Variants in TMEM117 observed in about 807,000 individuals in gnomAD.
The protein encoded by TMEM117 is transmembrane protein 117.
In TMEM117, 27 loss-of-function variants were observed where a neutral mutation model predicts 52.4. That is an observed-to-expected ratio of 0.51 (90% CI 0.38 to 0.71). The LOEUF is 0.71. Ranked by LOEUF, TMEM117 falls within the 30% of genes least tolerant of loss-of-function variation. The pLI, the probability that TMEM117 is intolerant of heterozygous loss-of-function variation, is 0.00. For synonymous variants in TMEM117, 215 were observed against 206.3 expected (o/e 1.04, Z -0.36); for missense variants, 556 against 630.5 (o/e 0.88, Z 1.26).
At chr12:44,117,653 A>G (rs2138127712) in intron 3 of TMEM117, among the ~76,000 whole-genome samples, 1 of 152,248 alleles carries the variant, frequency 6.6e-6, no homozygotes, top group African/African-American at 2.4e-5. Flanking sequence ...AGTGAAGGGG[A>G]AAGAAAGAAA....
At chr12:44,132,124 G>T (rs1305294299) in intron 3 of TMEM117, among the ~76,000 whole-genome samples, 2 of 151,802 alleles carry the variant, frequency 1.3e-5, no homozygotes, top group African/African-American at 4.8e-5. Flanking sequence ...TAGGAATTTG[G>T]CCATTTCACT....
At chr12:43,990,483 C>T (rs1945920582) in intron 3 of TMEM117, among the ~76,000 whole-genome samples, 1 of 152,038 alleles carries the variant, frequency 6.6e-6, no homozygotes, top group Admixed American at 6.6e-5. Context: ...ATAAAGTGAT[C>T]TTGTATTTTA....
intron 4 of TMEM117, among the ~76,000 whole-genome samples, chr12:44,152,664 T>C (rs1307635121): frequency 2.3e-5 from 3 of 132,360 alleles, no homozygotes; most frequent in East Asian, 4.4e-4. Flanking sequence ...ATTTATATCA[T>C]ATATAATTTT....
At chr12:44,074,269 A>G (rs546907744) in intron 3 of TMEM117, among the ~76,000 whole-genome samples, 8 of 152,324 alleles carry the variant, frequency 5.3e-5, no homozygotes, top group African/African-American at 1.9e-4. Flanking sequence ...GGGGACTTTT[A>G]TTAATAATTA....
chr12:44,082,464 T>C (rs1351806227), intron 3 of TMEM117, among the ~76,000 whole-genome samples: 2 of 152,020 alleles, frequency 1.3e-5, no homozygotes, highest in African/African-American at 4.8e-5. Flanking sequence ...TATTACTAAA[T>C]ATTTTTATCA....
chr12:44,165,425 AT>A (rs1250732709), intron 4 of TMEM117, among the ~76,000 whole-genome samples: 2 of 152,178 alleles, frequency 1.3e-5, no homozygotes, highest in African/African-American at 2.4e-5. Flanking sequence ...AACGATATAG[AT>A]TGGCTGAATG....
intron 1 of TMEM117, among the ~76,000 whole-genome samples, chr12:43,842,891 G>C (rs1341257692): frequency 2.0e-5 from 3 of 152,162 alleles, no homozygotes; most frequent in African/African-American, 7.2e-5. Context: ...CTCTAGGCAA[G>C]GAAGGTGCAA....
At chr12:44,068,317 CA>C (rs546838870) in intron 3 of TMEM117, among the ~76,000 whole-genome samples, 115 of 152,310 alleles carry the variant, frequency 7.6e-4, no homozygotes, top group South Asian at 1.7e-3. Flanking sequence ...TTTGCATTCA[CA>C]ACTTGGCTAA....
intron 2 of TMEM117, among the ~76,000 whole-genome samples, chr12:43,900,537 G>C (rs1276673578): frequency 6.6e-6 from 1 of 151,896 alleles, no homozygotes; most frequent in African/African-American, 2.4e-5. Context: ...GGCCAATATG[G>C]TGAAACTCTG....
intron 6 of TMEM117, among the ~76,000 whole-genome samples, chr12:44,313,384 A>T (rs538160372): frequency 6.6e-6 from 1 of 152,112 alleles, no homozygotes. Context: ...CTTATTGCTT[A>T]TTTTTGTTGA....
chr12:43,951,039 T>G (rs948113541), intron 3 of TMEM117, among the ~76,000 whole-genome samples: 31 of 152,186 alleles, frequency 2.0e-4, no homozygotes, highest in African/African-American at 7.5e-4. Context: ...ACCCAGGAAG[T>G]GCATGGAGCC....
At chr12:44,102,922 C>G (rs923633544) in intron 3 of TMEM117, among the ~76,000 whole-genome samples, 1 of 151,988 alleles carries the variant, frequency 6.6e-6, no homozygotes, top group Admixed American at 6.6e-5. Flanking sequence ...GATTTTCCCT[C>G]CTTTGCTCTG....
At chr12:44,262,510 G>A (rs1272301816) in intron 5 of TMEM117, among the ~76,000 whole-genome samples, 1 of 152,140 alleles carries the variant, frequency 6.6e-6, no homozygotes, top group African/African-American at 2.4e-5. Context: ...AACTATAAAA[G>A]TATAAAAGAC....
intron 6 of TMEM117, among the ~76,000 whole-genome samples, chr12:44,303,168 C>G (rs1403801021): frequency 6.6e-6 from 1 of 151,992 alleles, no homozygotes. Flanking sequence ...CTCAGCCTCC[C>G]AGGTAGCTGG....
In TMEM117 at chr12:43,844,801, T is replaced by C; in HGVS notation, c.150T>C (p.Cys50=). 6.2e-7 allele frequency: 1 copy of C among 1,614,176 alleles called. No individual in the cohort carries two copies. The highest frequency in any genetic ancestry group is 8.5e-7 in the Non-Finnish European group (1 of 1,180,032). The change falls in exon 2 of 8, where the codon TGT becomes TGC. Residue 50 remains cysteine (C), a synonymous_variant. Transcript: ENST00000266534. The part of the protein sequence containing the change: ...TEANVIVVGN[C]FSFVTNKYPR... ...CCAATGTTATTGTTGTTGGAAACTG[T>C]TTTTCATTTGTTACAAATAAATACC...
chr12:43,842,562 T>C (rs2137350468), intron 1 of TMEM117, among the ~76,000 whole-genome samples: 1 of 152,278 alleles, frequency 6.6e-6, no homozygotes, highest in Non-Finnish European at 1.5e-5. Context: ...GAATATTGGA[T>C]TGGGACTCAG....
At chr12:44,211,181 T>C in intron 4 of TMEM117, 109 bp from the exon 5 acceptor site, 2 of 763,508 alleles carry the variant, frequency 2.6e-6, no homozygotes, top group Non-Finnish European at 4.3e-6. Context: ...GTTATAATGT[T>C]AAAACGTATA....
chr12:44,353,171 A>T lies in TMEM117; in HGVS notation c.769-23424A>T, dbSNP rs1412379661. ...TGTTTTTTTCTTGTAAATTTGTTTGAGTTCATTGTAGATTCTGGATATTAG... is the reference window on the plus strand; with the variant it reads ...TGTTTTTTTCTTGTAAATTTGTTTGTGTTCATTGTAGATTCTGGATATTAG... On this transcript the variant is annotated intron_variant, in intron 6 of 7. Transcript: ENST00000266534. 2.0e-5 allele frequency among the ~76,000 whole-genome samples: 3 copies of T among 151,876 alleles called. No individual in the cohort carries two copies. The East Asian group carries it at 5.8e-4, about 29-fold the overall frequency.
intron 4 of TMEM117, among the ~76,000 whole-genome samples, chr12:44,204,026 C>T (rs1335349406): frequency 2.0e-5 from 3 of 151,982 alleles, no homozygotes; most frequent in Non-Finnish European, 4.4e-5. Flanking sequence ...AGGATACCCA[C>T]TCTCATGACT....
Sources: allele counts gnomAD v4.1 joint callset (sites outside exome capture counted in the v4.1 genomes callset), GRCh38; gene constraint gnomAD v4.1.1; transcripts MANE v1.5; gene names NCBI Gene and HGNC (gene_info 2026-07-23, HGNC 2026-07-21).